The following PARD6G variants were observed in gnomAD, a reference collection of about 807,000 sequenced individuals.
The protein encoded by PARD6G is partitioning defective 6 homolog gamma.
PARD6G carries 7 observed loss-of-function variants against 10.7 expected under a neutral mutation model. The observed-to-expected ratio is 0.66, with a 90% CI of 0.37 to 1.23. The LOEUF (loss-of-function observed/expected upper bound fraction) is 1.23. Ranked by LOEUF, PARD6G falls within the 50% of genes most tolerant of loss-of-function variation. The probability of loss-of-function intolerance (pLI) is 0.02; values close to 1 mark genes in which losing one functional copy is unlikely to be tolerated. For synonymous variants in PARD6G, 287 were observed against 269.4 expected, an observed-to-expected ratio of 1.07 and a Z score of -0.64; for missense variants, 548 against 571.8, an observed-to-expected ratio of 0.96 and a Z score of 0.42.
intron 1 of PARD6G, among the ~76,000 whole-genome samples, chr18:80,205,480 G>A (rs150151308): frequency 6.6e-6 from 1 of 152,336 alleles, no homozygotes; most frequent in East Asian, 1.9e-4. Flanking sequence ...GGCCTGGTGG[G>A]AGGTGACTGG....
chr18:80,163,688 A>G (rs1245260834), intron 2 of PARD6G, among the ~76,000 whole-genome samples: 2 of 152,222 alleles, frequency 1.3e-5, no homozygotes, highest in African/African-American at 2.4e-5. Flanking sequence ...CCAGAACTGT[A>G]GGATACAGAG....
chr18:80,234,226 A>G (rs1307185913), intron 1 of PARD6G, among the ~76,000 whole-genome samples: 2 of 152,082 alleles, frequency 1.3e-5, no homozygotes, highest in African/African-American at 2.4e-5. Flanking sequence ...GCCTGTTCTC[A>G]TCTCAGGTCC....
At chr18:80,240,602 G>A (rs543058817) in intron 1 of PARD6G, among the ~76,000 whole-genome samples, 4 of 152,260 alleles carry the variant, frequency 2.6e-5, no homozygotes, top group East Asian at 1.9e-4. Context: ...AAGGACAAGT[G>A]GGGACTGGAC....
chr18:80,223,029 C>G (rs116530882), intron 1 of PARD6G, among the ~76,000 whole-genome samples: 1 of 152,120 alleles, frequency 6.6e-6, no homozygotes, highest in Non-Finnish European at 1.5e-5. Context: ...AAAAAACAGT[C>G]TTTTCAACAA....
intron 2 of PARD6G, among the ~76,000 whole-genome samples, chr18:80,196,037 A>G (rs1014501831): frequency 6.6e-6 from 1 of 152,130 alleles, no homozygotes; most frequent in Non-Finnish European, 1.5e-5. Flanking sequence ...AGTTTCCCTT[A>G]AAGACAGAAC....
chr18:80,173,294 G>A (rs2052788961), intron 2 of PARD6G, among the ~76,000 whole-genome samples: 1 of 152,160 alleles, frequency 6.6e-6, no homozygotes, highest in Admixed American at 6.5e-5. Context: ...TACAAGGGCA[G>A]GGGTCACAGC....
At chr18:80,169,615 A>G (rs1330181165) in intron 2 of PARD6G, 1 of 152,260 alleles carries the variant, frequency 6.6e-6, no homozygotes, top group African/African-American at 2.4e-5. Context: ...CCTGGCTCAC[A>G]GTGTTCCTTG....
chr18:80,177,686 C>T (rs922483867), intron 2 of PARD6G, among the ~76,000 whole-genome samples: 8 of 145,940 alleles, frequency 5.5e-5, no homozygotes, highest in Non-Finnish European at 1.2e-4. Flanking sequence ...GATAAATAGC[C>T]GAAATGGGAA....
At chr18:80,240,376 G>A (rs1294850175) in intron 1 of PARD6G, among the ~76,000 whole-genome samples, 3 of 152,088 alleles carry the variant, frequency 2.0e-5, no homozygotes, top group Admixed American at 6.5e-5. Context: ...TTTGCTCAAC[G>A]GACCATTTCT....
In PARD6G at chr18:80,184,382, G is replaced by A. The variant is rs915602136; in HGVS notation, c.295+18328C>T. The A allele has an allele frequency of 2.6e-5, 4 of 152,248 alleles. No homozygotes were observed. Among genetic ancestry groups the A allele is most frequent in the Non-Finnish European group, 2.9e-5 (2 of 68,056 alleles). 9.4% of individuals were successfully genotyped at this position (152,248 alleles called of 1,614,324 possible). A position where few individuals can be genotyped will look rare whatever the true frequency, so the allele number is the denominator to read the frequency against. On this transcript the variant is annotated intron_variant, in intron 2 of 2. Coordinates refer to ENST00000353265, the MANE Select transcript of PARD6G (RefSeq NM_032510.4). This position sits in a 1 kb window ranked among gnomAD's most constrained non-coding sequence, Gnocchi z 4.5. ...GTGGCCAGGAGGTGGAAACAACCCC[G>A]ATGTCCATCAACTGATGAACCAACC...
intron 2 of PARD6G, among the ~76,000 whole-genome samples, chr18:80,179,541 G>T (rs902601048): frequency 6.6e-6 from 1 of 152,180 alleles, no homozygotes; most frequent in Non-Finnish European, 1.5e-5. Context: ...CTTGCTTTAG[G>T]GTCCCCTGCT....
chr18:80,178,941 GAACTC>G (rs763076418), intron 2 of PARD6G, among the ~76,000 whole-genome samples: 18 of 152,204 alleles, frequency 1.2e-4, no homozygotes, highest in Admixed American at 3.3e-4. Context: ...ACAGGCAGAA[GAACTC>G]ACTGGGCGGG....
chr18:80,186,099 T>C (rs1159815132), intron 2 of PARD6G, among the ~76,000 whole-genome samples: 1 of 131,510 alleles, frequency 7.6e-6, no homozygotes, highest in Non-Finnish European at 1.6e-5. Flanking sequence ...TACAGTCACA[T>C]ATGCTTGCAC....
chr18:80,167,162 C>T (rs1422988759), intron 2 of PARD6G, among the ~76,000 whole-genome samples: 1 of 152,154 alleles, frequency 6.6e-6, no homozygotes, highest in Non-Finnish European at 1.5e-5. Flanking sequence ...GTGGTTCCTG[C>T]CTGAGAGCAT....
chr18:80,202,544 A>C, intron 2 of PARD6G, 166 bp downstream of exon 2: 1 of 587,978 alleles, frequency 1.7e-6, no homozygotes, highest in Non-Finnish European at 3.0e-6. Context: ...AACACAGTTT[A>C]GTATTTTGTC....
At position 80,189,954 on chromosome 18, in the gene PARD6G, T is replaced by G. The variant is rs1357278311; in HGVS notation, c.295+12756A>C. On this transcript the variant is annotated intron_variant, in intron 2 of 2. Coordinates refer to ENST00000353265, the MANE Select transcript of PARD6G (RefSeq NM_032510.4). This position sits in a 1 kb window ranked among gnomAD's most constrained non-coding sequence, Gnocchi z 5.5. ...ATTCAGTGTTTTTTAGTATATTCAG[T>G]GTTGTGTAACCACCACCACCACCTA... 6.6e-6 allele frequency among the ~76,000 whole-genome samples: 1 copy of G among 152,216 alleles called. No individual in the cohort carries two copies. Among genetic ancestry groups the G allele is most frequent in the Admixed American group, 6.5e-5 (1 of 15,282 alleles).
chr18:80,197,981 A>G (rs1036002181), intron 2 of PARD6G, among the ~76,000 whole-genome samples: 3 of 152,242 alleles, frequency 2.0e-5, no homozygotes, highest in Admixed American at 6.5e-5. Flanking sequence ...AGAAGGGCAA[A>G]GACAGCTGTC....
Position 80,201,579 on chromosome 18 carries a change from G to C in PARD6G, c.295+1131C>G, listed in dbSNP as rs1253219661. Among the ~76,000 whole-genome samples, 3 of 152,238 alleles carry C rather than the reference G, an allele frequency of 2.0e-5. No individual in the cohort carries two copies. The highest frequency in any genetic ancestry group is 4.4e-5 in the Non-Finnish European group (3 of 68,032). ...GCCCAGTGAGAACTGCAGATGCAGA[G>C]TGTTCTGATCTTGTGCCAGAGAATC... On this transcript the variant is annotated intron_variant, in intron 2 of 2. Transcript: ENST00000353265. The surrounding 1 kb of genome is among the most constrained non-coding windows in gnomAD (Gnocchi z 5.9).
rs1248380906 is a variant in PARD6G, at chr18:80,158,846, A to C, written c.*925T>G. 1 of 151,710 alleles carries C rather than the reference A, an allele frequency of 6.6e-6. No homozygotes were observed. The highest frequency in any genetic ancestry group is 1.5e-5 in the Non-Finnish European group (1 of 67,986). The allele number at this position is 151,710 out of a possible 1,614,324, so 9.4% of individuals were successfully genotyped here. A position where few individuals can be genotyped will look rare whatever the true frequency, so the allele number is the denominator to read the frequency against. On this transcript the variant is annotated 3_prime_UTR_variant, in exon 3 of 3. Transcript: ENST00000353265. Reference sequence around the variant, plus strand: ...CAAGACACTATGTCTCAAAACAAACAAAAAAAAGCCCCGGAACAATTCCAC... The same window carrying C: ...CAAGACACTATGTCTCAAAACAAACCAAAAAAAGCCCCGGAACAATTCCAC...
Sources: allele counts gnomAD v4.1 joint callset (sites outside exome capture counted in the v4.1 genomes callset), GRCh38; gene constraint gnomAD v4.1.1; non-coding constraint Gnocchi (gnomAD v3.1); transcripts MANE v1.5; gene names NCBI Gene and HGNC (gene_info 2026-07-23, HGNC 2026-07-21).